The following FABP7 variants were observed in gnomAD, a reference collection of about 807,000 sequenced individuals.
FABP7 encodes the protein fatty acid-binding protein, brain.
Under a neutral mutation model 14.2 loss-of-function variants are expected in FABP7, and 13 were observed. The ratio of observed to expected loss-of-function variants is 0.91; its 90% confidence interval spans 0.59 to 1.45. The LOEUF (loss-of-function observed/expected upper bound fraction) is 1.45, where lower values mean the gene tolerates loss of function less well. Ranked by LOEUF, FABP7 falls within the 40% of genes most tolerant of loss-of-function variation. The pLI is 0.00. For synonymous variants in FABP7, 49 were observed against 51.4 expected (o/e 0.95, Z 0.20); for missense variants, 149 against 157.6 (o/e 0.95, Z 0.29).
chr6:122,759,644 C>T, the FABP7 span, among the ~76,000 whole-genome samples: 72,884 of 151,958 alleles, frequency 0.48, 19,328 homozygotes, highest in Non-Finnish European at 0.61. Flanking sequence ...TAAAATTAAA[C>T]TGAGGCACAG....
chr6:122,769,014 C>T, the FABP7 span, among the ~76,000 whole-genome samples: 1 of 152,074 alleles, frequency 6.6e-6, no homozygotes, highest in Non-Finnish European at 1.5e-5. Context: ...TCAAAAATGC[C>T]TCCTGTCTGG....
upstream of FABP7, among the ~76,000 whole-genome samples, chr6:122,778,156 CA>C (rs1780706504): frequency 6.6e-6 from 1 of 152,138 alleles, no homozygotes; most frequent in Admixed American, 6.5e-5. Flanking sequence ...CTCAGTTGCT[CA>C]TATTGGTTCA....
the FABP7 span, among the ~76,000 whole-genome samples, chr6:122,766,494 C>A: frequency 6.6e-6 from 1 of 152,030 alleles, no homozygotes; most frequent in African/African-American, 2.4e-5. Flanking sequence ...ATCCTGGAGG[C>A]AGATGGTAGA....
the FABP7 span, among the ~76,000 whole-genome samples, chr6:122,764,986 A>G: frequency 6.6e-6 from 1 of 152,192 alleles, no homozygotes. Flanking sequence ...CCACTGCCTA[A>G]TGTAGTTTCT....
chr6:122,755,152 T>A, the FABP7 span, among the ~76,000 whole-genome samples: 1 of 152,152 alleles, frequency 6.6e-6, no homozygotes, highest in Admixed American at 6.5e-5. Flanking sequence ...TTGGCTTATA[T>A]GCCATGATCT....
At chr6:122,761,565 T>C in the FABP7 span, among the ~76,000 whole-genome samples, 1 of 152,296 alleles carries the variant, frequency 6.6e-6, no homozygotes, top group Non-Finnish European at 1.5e-5. Flanking sequence ...TTGATCTAAG[T>C]ACTAGATCCA....
upstream of FABP7, among the ~76,000 whole-genome samples, chr6:122,775,389 G>A (rs925759114): frequency 6.6e-6 from 1 of 152,012 alleles, no homozygotes; most frequent in Non-Finnish European, 1.5e-5. Flanking sequence ...TTCAACAAAG[G>A]TGCCAAGAAT....
At chr6:122,750,171 CAT>C in the FABP7 span, among the ~76,000 whole-genome samples, 3 of 152,000 alleles carry the variant, frequency 2.0e-5, no homozygotes, top group African/African-American at 7.2e-5. Context: ...TTGAATATTT[CAT>C]GAGATAATTT....
chr6:122,760,930 T>C, the FABP7 span, among the ~76,000 whole-genome samples: 882 of 152,296 alleles, frequency 5.8e-3, 7 homozygotes, highest in African/African-American at 0.02. Flanking sequence ...ACATGGTTCC[T>C]CATTAACTAA....
chr6:122,749,712 T>A, the FABP7 span, among the ~76,000 whole-genome samples: 1 of 152,138 alleles, frequency 6.6e-6, no homozygotes, highest in Admixed American at 6.5e-5. Flanking sequence ...AAATAATGCT[T>A]TGAGTGGAGG....
intron 3 of FABP7, chr6:122,782,291 A>G: frequency 6.4e-6 from 5 of 775,240 alleles, no homozygotes; most frequent in Non-Finnish European, 7.8e-6. Context: ...CTCAGTTCTG[A>G]AAGCTGGACG....
rs759533663 is a variant in FABP7, at chr6:122,781,737, A to AC, written c.348+546dup. The AC allele has an allele frequency of 8.4e-5, 61 of 725,530 alleles. 1 individual carries two copies. Among genetic ancestry groups the AC allele is most frequent in the Non-Finnish European group, 9.5e-5 (58 of 611,606 alleles). The allele number at this position is 725,530 out of a possible 1,614,324, so 44.9% of individuals were successfully genotyped here. On this transcript the variant is annotated intron_variant, in intron 3 of 3. Coordinates refer to ENST00000368444, the MANE Select transcript of FABP7 (RefSeq NM_001446.5). ...CCCCTCTGATTTCTCATCAGTGATAACCCTTTTTTTTTTTTTTTTTTGAGA... is the reference window on the plus strand; with the variant it reads ...CCCCTCTGATTTCTCATCAGTGATAACCCCTTTTTTTTTTTTTTTTTTGAGA...
At chr6:122,775,602 T>TA (rs1163124609), upstream of FABP7, among the ~76,000 whole-genome samples, 1 of 151,862 alleles carries the variant, frequency 6.6e-6, no homozygotes, top group Non-Finnish European at 1.5e-5. Flanking sequence ...ATTGGTTTGA[T>TA]ACAGATTTTT....
upstream of FABP7, among the ~76,000 whole-genome samples, chr6:122,776,091 C>T (rs1359685647): frequency 1.3e-5 from 2 of 151,986 alleles, no homozygotes. Context: ...GAATGTAGAT[C>T]AGCCACTATG....
chr6:122,780,463 G>A lies in FABP7; in HGVS notation c.246G>A (p.Lys82=). Reference sequence around the variant, plus strand: ...CCACTGCAGATGATAGAAACTGTAAGGTGAGAAACTGCTTCTTCTTCAGAG... The same window carrying A: ...CCACTGCAGATGATAGAAACTGTAAAGTGAGAAACTGCTTCTTCTTCAGAG... ...DETTADDRNC[K]SVVSLDGDKL... Residue 82 remains lysine, a splice_region_variant and synonymous_variant, in exon 2 of 4, where the codon AAG becomes AAA. Coordinates refer to ENST00000368444, the MANE Select transcript of FABP7 (RefSeq NM_001446.5). The A allele has an allele frequency of 1.2e-6, 2 of 1,608,384 alleles. No homozygotes were observed. Among genetic ancestry groups the A allele is most frequent in the Non-Finnish European group, 8.5e-7 (1 of 1,178,714 alleles).
the FABP7 span, among the ~76,000 whole-genome samples, chr6:122,771,298 T>A: frequency 1.1e-4 from 16 of 152,314 alleles, no homozygotes; most frequent in South Asian, 3.1e-3. Flanking sequence ...TGTAAGCATC[T>A]AATTCCCTAT....
rs1182572120 is a variant in FABP7, at chr6:122,783,045, A to T, written c.349-672A>T. Reference sequence around the variant, plus strand: ...CTAAAGCAATAGACTACAAGGATATACTATACTCCTGAACATCACATCAAT... The same window carrying T: ...CTAAAGCAATAGACTACAAGGATATTCTATACTCCTGAACATCACATCAAT... On this transcript the variant is annotated intron_variant, in intron 3 of 3. Transcript: ENST00000368444. 5 of 985,456 alleles carry T rather than the reference A, an allele frequency of 5.1e-6. No homozygotes were observed. In the South Asian group the frequency reaches 1.4e-4, roughly 28 times the overall value. 61.0% of individuals were successfully genotyped at this position (985,456 alleles called of 1,614,324 possible). A position where few individuals can be genotyped will look rare whatever the true frequency, so the allele number is the denominator to read the frequency against.
At chr6:122,783,619 C>T in intron 3 of FABP7, 98 bp from the exon 4 acceptor site, 4 of 1,472,610 alleles carry the variant, frequency 2.7e-6, no homozygotes, top group Non-Finnish European at 3.6e-6. Flanking sequence ...AAATGTCATT[C>T]TTTTGCATAA....
At chr6:122,773,510 C>A in the FABP7 span, among the ~76,000 whole-genome samples, 2 of 152,160 alleles carry the variant, frequency 1.3e-5, no homozygotes, top group African/African-American at 4.8e-5. Context: ...GACACCTTGC[C>A]CAGCATTACC....
Sources: gnomAD v4.1 joint callset for allele counts (sites outside exome capture counted in the v4.1 genomes callset) on GRCh38, gnomAD v4.1.1 for gene constraint, MANE v1.5 for transcripts, NCBI Gene and HGNC (gene_info 2026-07-23, HGNC 2026-07-21) for gene names.